HECW2: variants seen among roughly 807,000 people sequenced by gnomAD.
HECW2 encodes HECT, C2 and WW domain containing E3 ubiquitin protein ligase 2.
HECW2 carries 61 observed loss-of-function variants against 175.2 expected under a neutral mutation model. That is an observed-to-expected ratio of 0.35 (90% CI 0.28 to 0.43). The LOEUF is 0.43. Among genes scored for constraint, HECW2 ranks in the 20% least tolerant of loss-of-function variants. HECW2 has a pLI of 1.00. For synonymous variants in HECW2, 671 were observed against 731.0 expected (o/e 0.92, Z 1.32); for missense variants, 1,524 against 2,000.5 (o/e 0.76, Z 4.54).
chr2:196,367,841 G>A (rs1693787103), intron 2 of HECW2, among the ~76,000 whole-genome samples: 1 of 146,956 alleles, frequency 6.8e-6, no homozygotes, highest in East Asian at 1.9e-4. Flanking sequence ...TTTCATGGCC[G>A]AATAGTACTC....
intron 19 of HECW2, among the ~76,000 whole-genome samples, chr2:196,248,103 A>T (rs1339163293): frequency 6.6e-6 from 1 of 152,208 alleles, no homozygotes; most frequent in African/African-American, 2.4e-5. Context: ...CAAGCACTGA[A>T]AACCTGGCAT....
chr2:196,412,578 G>T (rs561453687), intron 2 of HECW2, among the ~76,000 whole-genome samples: 5 of 152,214 alleles, frequency 3.3e-5, no homozygotes, highest in African/African-American at 1.2e-4. Flanking sequence ...ACCCTTTAGG[G>T]AATGTAATCA....
In HECW2 at chr2:196,488,203, G is replaced by A. The variant is rs530664410; in HGVS notation, c.-35-54745C>T. Among the ~76,000 whole-genome samples the A allele has an allele frequency of 7.0e-4, 107 of 152,270 alleles. 2 individuals carry two copies. The South Asian group carries it at 0.02, about 29-fold the overall frequency. ...TATTATGATCCCATTTCTCAAAGGC[G>A]TATGGTAGGGAAGAGGACCATATCC... On this transcript the variant is annotated intron_variant, in intron 1 of 28. Transcript: ENST00000644978.
intron 19 of HECW2, among the ~76,000 whole-genome samples, chr2:196,249,308 T>A (rs59901945): frequency 0.015 from 2,230 of 152,290 alleles, 55 homozygotes; most frequent in African/African-American, 0.051. Context: ...GGGATTGGCA[T>A]TATAATGGTC....
chr2:196,283,606 C>G (rs1690272127), intron 14 of HECW2, among the ~76,000 whole-genome samples: 1 of 152,054 alleles, frequency 6.6e-6, no homozygotes, highest in Non-Finnish European at 1.5e-5. Flanking sequence ...GTGTTGAACT[C>G]CTGACCTCAG....
chr2:196,592,798 C>T (rs1691251822), intron 1 of HECW2: 3 of 151,560 alleles, frequency 2.0e-5, no homozygotes, highest in Admixed American at 2.0e-4. Flanking sequence ...TCGCCACAAG[C>T]TGCGGGTGGG....
intron 1 of HECW2, among the ~76,000 whole-genome samples, chr2:196,552,146 A>G (rs1161928828): frequency 2.6e-5 from 4 of 152,198 alleles, no homozygotes; most frequent in Non-Finnish European, 5.9e-5. Context: ...TAATATTTCA[A>G]CCCAAAATGA....
Position 196,317,067 on chromosome 2 carries a change from A to G in HECW2, c.2434+207T>C, listed in dbSNP as rs1691724663. 7.8e-6 allele frequency: 4 copies of G among 509,984 alleles called. No homozygotes were observed. The South Asian group carries it at 1.2e-4, about 16-fold the overall frequency. 31.6% of individuals were successfully genotyped at this position (509,984 alleles called of 1,614,324 possible). On this transcript the variant is annotated intron_variant, in intron 10 of 28. Coordinates refer to ENST00000644978, the MANE Select transcript of HECW2 (RefSeq NM_001348768.2). ...ACCCCATGGGCAACACAGGATTTAC[A>G]GCTGCCCTTTCTTTCAGCATAATGG...
chr2:196,493,669 A>G (rs1460242048), intron 1 of HECW2, among the ~76,000 whole-genome samples: 2 of 152,232 alleles, frequency 1.3e-5, no homozygotes, highest in East Asian at 3.8e-4. Context: ...TTAATTGGTC[A>G]TGATTTAAGC....
chr2:196,465,053 G>T (rs1387677416), intron 1 of HECW2, among the ~76,000 whole-genome samples: 1 of 152,136 alleles, frequency 6.6e-6, no homozygotes, highest in East Asian at 1.9e-4. Flanking sequence ...GAAGGGGATA[G>T]CAATACCCTT....
intron 19 of HECW2, among the ~76,000 whole-genome samples, chr2:196,248,397 C>T (rs576937794): frequency 9.9e-5 from 15 of 152,238 alleles, no homozygotes; most frequent in African/African-American, 2.9e-4. Flanking sequence ...CTTTTGGTCT[C>T]TGGGATCACA....
chr2:196,227,266 T>TC (rs1168686630), intron 22 of HECW2, among the ~76,000 whole-genome samples: 1 of 152,150 alleles, frequency 6.6e-6, no homozygotes, highest in East Asian at 1.9e-4. Context: ...TGAATCCTGC[T>TC]CATATTCTTT....
At chr2:196,438,884 T>C (rs1695959074) in intron 1 of HECW2, among the ~76,000 whole-genome samples, 2 of 152,216 alleles carry the variant, frequency 1.3e-5, no homozygotes, top group South Asian at 4.1e-4. Flanking sequence ...AGCTGTATAG[T>C]CTTCAAAAGC....
At chr2:196,530,794 T>G (rs1180374096) in intron 1 of HECW2, among the ~76,000 whole-genome samples, 6 of 152,244 alleles carry the variant, frequency 3.9e-5, no homozygotes, top group Admixed American at 3.9e-4. Flanking sequence ...CTAACTGTTC[T>G]ATGGGAGGAA....
intron 1 of HECW2, among the ~76,000 whole-genome samples, chr2:196,536,983 G>GA (rs1459117113): frequency 6.6e-6 from 1 of 152,172 alleles, no homozygotes; most frequent in Non-Finnish European, 1.5e-5. Context: ...ACGAGGCCAG[G>GA]AAAGATGAAA....
At chr2:196,521,450 CTTCAT>C (rs1457984280) in intron 1 of HECW2, among the ~76,000 whole-genome samples, 23 of 151,436 alleles carry the variant, frequency 1.5e-4, no homozygotes, top group African/African-American at 5.3e-4. Flanking sequence ...ACTTGAATCC[CTTCAT>C]TTTATTTTAT....
Position 196,334,518 on chromosome 2 carries a change from G to T in HECW2, c.401C>A (p.Pro134Gln). ...RIEPGPYFME[P>Q]EIKICFKYYH... ...ATATTTAAAACAGATTTTTATCTCC[G>T]CTGCAAAGCAATTGGAGAAAACAGT... is the stretch of plus-strand genomic sequence containing the variant. Residue 134 changes from proline (P) to glutamine (Q), a missense_variant and splice_region_variant, in exon 4 of 29, where the codon CCG (proline) becomes CAG (glutamine). By Grantham distance (76) the Pro-to-Gln change is moderately conservative. This residue lies in a region of HECW2 where 135 missense variants were observed against 214.6 expected (regional missense o/e 0.63). Transcript: ENST00000644978. The T allele has an allele frequency of 1.3e-6, 2 of 1,590,116 alleles. No homozygotes were observed. Among genetic ancestry groups the T allele is most frequent in the South Asian group, 1.1e-5 (1 of 87,732 alleles).
intron 1 of HECW2, among the ~76,000 whole-genome samples, chr2:196,588,644 T>C (rs775107155): frequency 1.1e-4 from 16 of 152,240 alleles, no homozygotes; most frequent in Non-Finnish European, 2.2e-4. Flanking sequence ...AATGTTTATC[T>C]ATACATACAT....
At chr2:196,437,926 A>G (rs559346195) in intron 1 of HECW2, among the ~76,000 whole-genome samples, 2 of 152,246 alleles carry the variant, frequency 1.3e-5, no homozygotes, top group East Asian at 3.9e-4. Flanking sequence ...AAAGTGGGGT[A>G]AAGAATCCAG....
Sources: allele counts gnomAD v4.1 joint callset (sites outside exome capture counted in the v4.1 genomes callset), GRCh38; gene constraint gnomAD v4.1.1; regional missense constraint gnomAD v4.1.1; transcripts MANE v1.5; gene names NCBI Gene and HGNC (gene_info 2026-07-23, HGNC 2026-07-21).